CFAP221: variants seen among roughly 807,000 people sequenced by gnomAD.
CFAP221 encodes the protein cilia- and flagella-associated protein 221.
In CFAP221, 97 loss-of-function variants were observed where a neutral mutation model predicts 113.1. The ratio of observed to expected loss-of-function variants is 0.86; its 90% CI spans 0.73 to 1.02. CFAP221 has a LOEUF of 1.02. Among genes scored for constraint, CFAP221 ranks in the 50% least tolerant of loss-of-function variants. The pLI, the probability that CFAP221 is intolerant of heterozygous loss-of-function variation, is 0.00. For synonymous variants in CFAP221, 331 were observed against 354.4 expected, an observed-to-expected ratio of 0.93 and a Z score of 0.74; for missense variants, 1,025 against 1,013.4, an observed-to-expected ratio of 1.01 and a Z score of -0.16.
chr2:119,611,340 G>T (rs1015189554), intron 12 of CFAP221, among the ~76,000 whole-genome samples: 2 of 150,152 alleles, frequency 1.3e-5, no homozygotes, highest in South Asian at 4.2e-4. Context: ...GGAGAATGGC[G>T]TGAACCCGGG....
intron 6 of CFAP221, chr2:119,572,655 C>T (rs2104574111): frequency 2.9e-6 from 2 of 679,468 alleles, no homozygotes; most frequent in South Asian, 1.6e-5. Context: ...ATGACTTTAA[C>T]CAATTGGTTA....
intron 12 of CFAP221, among the ~76,000 whole-genome samples, chr2:119,610,239 C>A (rs1278895424): frequency 1.3e-5 from 2 of 152,112 alleles, no homozygotes; most frequent in African/African-American, 4.8e-5. Flanking sequence ...AGCCCAGACG[C>A]CCTGGAATAT....
chr2:119,633,997 A>G (rs947618396), intron 19 of CFAP221, among the ~76,000 whole-genome samples: 4 of 152,214 alleles, frequency 2.6e-5, no homozygotes, highest in African/African-American at 9.6e-5. Context: ...AGTCCTAGCT[A>G]CTTGGGAGGC....
At chr2:119,631,542 G>A (rs986755368) in intron 19 of CFAP221, among the ~76,000 whole-genome samples, 11 of 152,244 alleles carry the variant, frequency 7.2e-5, no homozygotes, top group African/African-American at 2.2e-4. Flanking sequence ...AAACGCGGTG[G>A]CACCTGCCTA....
chr2:119,608,759 A>T (rs1684949802), intron 12 of CFAP221, among the ~76,000 whole-genome samples, 170 bp downstream of exon 12: 1 of 152,226 alleles, frequency 6.6e-6, no homozygotes. Context: ...ATGTCACCAG[A>T]GACCTATACT....
chr2:119,588,280 C>T (rs778662117), intron 7 of CFAP221, among the ~76,000 whole-genome samples: 6 of 152,134 alleles, frequency 3.9e-5, no homozygotes, highest in East Asian at 1.9e-4. Context: ...TTAGACAGGT[C>T]AGCGTGCAGG....
Position 119,549,147 on chromosome 2 carries a change from G to C in CFAP221, c.202G>C (p.Gly68Arg). 2.6e-6 allele frequency: 4 copies of C among 1,535,064 alleles called. No individual in the cohort carries two copies. Among genetic ancestry groups the C allele is most frequent in the Non-Finnish European group, 3.5e-6 (4 of 1,146,628 alleles). Residue 68 changes from glycine (G) to arginine (R), a missense_variant, in exon 3 of 24, where the codon GGA becomes CGA. Coordinates refer to ENST00000413369, the MANE Select transcript of CFAP221 (RefSeq NM_001271049.2). ...IQARPGIIHFGGYQVEKQHQQ... is the reference protein window; with the variant it reads ...IQARPGIIHFRGYQVEKQHQQ... ...GGCAAGACCTGGCATAATACATTTT[G>C]GAGGCTATCAAGTAGAAAAACAACA...
intron 6 of CFAP221, among the ~76,000 whole-genome samples, chr2:119,569,097 A>C (rs1681856916): frequency 6.9e-6 from 1 of 144,456 alleles, no homozygotes; most frequent in Admixed American, 6.9e-5. Flanking sequence ...CTCTACTGGG[A>C]AATTTTTTTT....
At chr2:119,585,871 C>G (rs1331930028) in intron 6 of CFAP221, among the ~76,000 whole-genome samples, 1 of 152,222 alleles carries the variant, frequency 6.6e-6, no homozygotes, top group East Asian at 1.9e-4. Flanking sequence ...AAGACAGACA[C>G]TGGGCAGGTA....
At chr2:119,562,353 G>A (rs979865700) in intron 6 of CFAP221, among the ~76,000 whole-genome samples, 1 of 152,148 alleles carries the variant, frequency 6.6e-6, no homozygotes, top group Non-Finnish European at 1.5e-5. Context: ...TGCAGTCCGG[G>A]TGGATCTTCA....
At chr2:119,640,454 A>G (rs866949695) in intron 21 of CFAP221, among the ~76,000 whole-genome samples, 6 of 152,224 alleles carry the variant, frequency 3.9e-5, no homozygotes, top group African/African-American at 1.4e-4. Flanking sequence ...TGCTTATTTA[A>G]TAGCTCTTCA....
At position 119,647,417 on chromosome 2, in the gene CFAP221, C is replaced by A. The variant is rs1478035143; in HGVS notation, c.2318+367C>A. Among the ~76,000 whole-genome samples, 3 of 152,162 alleles carry A rather than the reference C, an allele frequency of 2.0e-5. No individual in the cohort carries two copies. The East Asian group carries it at 5.8e-4, about 29-fold the overall frequency. On this transcript the variant is annotated intron_variant, in intron 22 of 23. Coordinates refer to ENST00000413369, the MANE Select transcript of CFAP221 (RefSeq NM_001271049.2). ...TACAAGTCCAGAAGTAAGGCACTTACATTTGATTTTACTGATCAGCACGCA... is the reference window on the plus strand; with the variant it reads ...TACAAGTCCAGAAGTAAGGCACTTAAATTTGATTTTACTGATCAGCACGCA...
chr2:119,611,247 A>C (rs1281023370), intron 12 of CFAP221, among the ~76,000 whole-genome samples: 2 of 152,042 alleles, frequency 1.3e-5, no homozygotes, highest in African/African-American at 4.8e-5. Flanking sequence ...TCTTTCTATG[A>C]ATGTTAAGTG....
chr2:119,576,351 C>A lies in CFAP221; in HGVS notation c.528-10768C>A, dbSNP rs142701299. Among the ~76,000 whole-genome samples the A allele has an allele frequency of 6.0e-4, 92 of 152,256 alleles. 4 individuals are homozygous for A. The East Asian group carries it at 0.017, about 29-fold the overall frequency. ...GTTACTTTTCCTGCCCCTCTCCCTC[C>A]TCTCACCCTCCACACTCCATAGGCC... is the stretch of plus-strand genomic sequence containing the variant. On this transcript the variant is annotated intron_variant, in intron 6 of 23. Transcript: ENST00000413369.
rs1403294064 is a variant in CFAP221 at position 119,622,152 on chromosome 2, C to A, written c.1411-3431C>A. On this transcript the variant is annotated intron_variant, in intron 14 of 23. Transcript: ENST00000413369. ...AATATAGAAGAAAAGAGAGAAGAAT[C>A]AAATAGACACAATAAAAAATTATAA... is the stretch of plus-strand genomic sequence containing the variant. Among the ~76,000 whole-genome samples, 5 of 152,090 alleles carry A rather than the reference C, an allele frequency of 3.3e-5. No individual in the cohort carries two copies. In the East Asian group the frequency reaches 9.6e-4, roughly 29 times the overall value.
At chr2:119,556,710 G>A (rs1373174603) in intron 3 of CFAP221, among the ~76,000 whole-genome samples, 2 of 151,570 alleles carry the variant, frequency 1.3e-5, no homozygotes, top group Non-Finnish European at 2.9e-5. Flanking sequence ...CCACCACCAC[G>A]CCCAGCTATT....
intron 18 of CFAP221, 37 bp from the exon 19 acceptor site, chr2:119,630,730 G>A: frequency 6.2e-7 from 1 of 1,605,124 alleles, no homozygotes; most frequent in Admixed American, 1.7e-5. Context: ...TCTTATCCTG[G>A]CATCAAAACT....
At chr2:119,636,981 G>C (rs936930949) in intron 19 of CFAP221, among the ~76,000 whole-genome samples, 1 of 152,122 alleles carries the variant, frequency 6.6e-6, no homozygotes. Context: ...AACCAGAGTA[G>C]AAGACACTCC....
At chr2:119,621,150 G>A (rs1308870571) in intron 14 of CFAP221, among the ~76,000 whole-genome samples, 4 of 151,860 alleles carry the variant, frequency 2.6e-5, no homozygotes, top group African/African-American at 4.8e-5. Flanking sequence ...GCTTGAACCC[G>A]GGAGGCGGAG....
Sources: allele counts gnomAD v4.1 joint callset (sites outside exome capture counted in the v4.1 genomes callset), GRCh38; gene constraint gnomAD v4.1.1; transcripts MANE v1.5; gene names NCBI Gene and HGNC (gene_info 2026-07-23, HGNC 2026-07-21).